EDA: variants seen among roughly 807,000 people sequenced by gnomAD.
The protein encoded by EDA is ectodysplasin-A.
A neutral mutation model predicts 23.6 loss-of-function variants in EDA; 2 were observed. The ratio of observed to expected loss-of-function variants is 0.08; its 90% CI spans 0.03 to 0.27. The LOEUF (loss-of-function observed/expected upper bound fraction) is 0.27, where lower values mean the gene tolerates loss of function less well. Ranked by LOEUF, EDA falls within the 10% of genes least tolerant of loss-of-function variation. The pLI, the probability that EDA is intolerant of heterozygous loss-of-function variation, is 1.00. For missense variants in EDA, 229 were observed against 324.2 expected (o/e 0.71, Z 2.26); for synonymous variants, 131 against 132.0 (o/e 0.99, Z 0.05).
chrX:69,864,125 A>G (rs1346578202), intron 1 of EDA, among the ~76,000 whole-genome samples: 1 of 111,431 alleles, frequency 9.0e-6, no homozygotes, highest in Non-Finnish European at 1.9e-5. Context: ...TACATACAGC[A>G]AATGTTGCCT....
chrX:70,016,889 G>GA (rs1358419373), intron 2 of EDA, among the ~76,000 whole-genome samples: 2 of 111,132 alleles, frequency 1.8e-5, no homozygotes, highest in African/African-American at 6.6e-5. Context: ...TTTGAGATGT[G>GA]AAAAAACATA....
At chrX:69,947,181 G>A (rs1236876354) in intron 1 of EDA, among the ~76,000 whole-genome samples, 1 of 112,675 alleles carries the variant, frequency 8.9e-6, no homozygotes, top group Non-Finnish European at 1.9e-5. Flanking sequence ...AGGGAAGGCA[G>A]TGTCATCCAG....
chrX:69,946,897 C>G (rs1200096037), intron 1 of EDA, among the ~76,000 whole-genome samples: 1 of 112,167 alleles, frequency 8.9e-6, no homozygotes, highest in Non-Finnish European at 1.9e-5. Flanking sequence ...CATAACGCTA[C>G]TCTAACTTGT....
At chrX:69,660,435 G>A (rs1933449451) in intron 1 of EDA, among the ~76,000 whole-genome samples, 1 of 110,255 alleles carries the variant, frequency 9.1e-6, no homozygotes, top group South Asian at 3.9e-4. Context: ...TTGGTGTGCT[G>A]CACCCATTAA....
At chrX:69,893,594 A>G (rs1457563244) in intron 1 of EDA, among the ~76,000 whole-genome samples, 1 of 112,531 alleles carries the variant, frequency 8.9e-6, no homozygotes, top group African/African-American at 3.2e-5. Flanking sequence ...TTCATGTTCC[A>G]CATAAAATAT....
chrX:69,922,756 G>A (rs2018454450), intron 1 of EDA, among the ~76,000 whole-genome samples: 3 of 111,699 alleles, frequency 2.7e-5, no homozygotes, highest in South Asian at 7.5e-4. Flanking sequence ...TAGCTACAAC[G>A]TAGGCAAAGG....
At chrX:69,959,326 G>A (rs930107374) in intron 2 of EDA, among the ~76,000 whole-genome samples, 6 of 111,439 alleles carry the variant, frequency 5.4e-5, no homozygotes, top group East Asian at 2.8e-4. Flanking sequence ...CTTAGAGTTA[G>A]GAGTATAGAA....
At chrX:69,679,703 TTCTC>T (rs1291223477) in intron 1 of EDA, among the ~76,000 whole-genome samples, 5 of 111,853 alleles carry the variant, frequency 4.5e-5, no homozygotes, top group African/African-American at 9.8e-5. Flanking sequence ...TATTTGATTC[TTCTC>T]TCTTTTTTTC....
intron 1 of EDA, among the ~76,000 whole-genome samples, chrX:69,943,851 C>G (rs1478446397): frequency 1.8e-5 from 2 of 109,871 alleles, no homozygotes; most frequent in African/African-American, 6.6e-5. Flanking sequence ...ACTTGGTGAT[C>G]TATTCTACTG....
intron 2 of EDA, among the ~76,000 whole-genome samples, chrX:69,978,318 TAAAAAAAAAAAAAA>T (rs144187734): frequency 1.6e-3 from 33 of 20,431 alleles, no homozygotes; most frequent in Non-Finnish European, 4.2e-3. Context: ...ACTCCATCTC[TAAAAAAAAAAAAAA>T]AAAAAAAAAA....
At chrX:69,804,699 A>T (rs2015773691) in intron 1 of EDA, among the ~76,000 whole-genome samples, 1 of 111,020 alleles carries the variant, frequency 9.0e-6, no homozygotes, top group Admixed American at 9.7e-5. Context: ...GGCTAGTGGG[A>T]ATGATCTTCA....
intron 1 of EDA, among the ~76,000 whole-genome samples, chrX:69,929,706 T>TGTGTGTGTGTGTGTGTG (rs373930590): frequency 3.6e-5 from 3 of 84,342 alleles, no homozygotes; most frequent in East Asian, 3.9e-4. Flanking sequence ...CATTCTATTT[T>TGTGTGTGTGTGTGTGTG]TGTGTGTGTG....
intron 1 of EDA, among the ~76,000 whole-genome samples, chrX:69,731,398 A>G (rs2013019172): frequency 9.0e-6 from 1 of 111,011 alleles, no homozygotes; most frequent in Non-Finnish European, 1.9e-5. Flanking sequence ...AATTTTATTA[A>G]GCTGAATGAG....
intron 1 of EDA, among the ~76,000 whole-genome samples, chrX:69,726,672 G>C (rs892640834): frequency 8.9e-6 from 1 of 112,419 alleles, no homozygotes; most frequent in Non-Finnish European, 1.9e-5. Flanking sequence ...AGTTCTAGAG[G>C]CTGGAAAGTC....
rs749688614 is a variant in EDA, at chrX:69,874,398, G to A, written c.397-82629G>A. Among the ~76,000 whole-genome samples, 6 of 111,832 alleles carry A rather than the reference G, an allele frequency of 5.4e-5. No homozygotes were observed. The East Asian group carries it at 1.1e-3, about 21-fold the overall frequency. On this transcript the variant is annotated intron_variant, in intron 1 of 7. Transcript: ENST00000374552. ...ACAGAATTAAAAACAAAAATCACAC[G>A]ATCATCTCAATAGATGCAGAAAAAG... is the stretch of plus-strand genomic sequence containing the variant.
chrX:69,817,929 C>T (rs2016119032), intron 1 of EDA, among the ~76,000 whole-genome samples: 1 of 112,033 alleles, frequency 8.9e-6, no homozygotes, highest in Admixed American at 9.5e-5. Flanking sequence ...ACATTCTTCT[C>T]ATTGCCACAT....
chrX:69,761,885 A>G (rs887347292), intron 1 of EDA, among the ~76,000 whole-genome samples: 1 of 111,805 alleles, frequency 8.9e-6, no homozygotes, highest in African/African-American at 3.2e-5. Context: ...ACTTTTAGAC[A>G]CAATCTTAAG....
chrX:70,031,785 C>T (rs768624794), intron 6 of EDA, among the ~76,000 whole-genome samples: 20 of 112,710 alleles, frequency 1.8e-4, no homozygotes, highest in Admixed American at 7.4e-4. Context: ...CCATGATCCC[C>T]ACCTGTCCAG....
chrX:69,870,217 G>A (rs1488913787), intron 1 of EDA, among the ~76,000 whole-genome samples: 1 of 111,498 alleles, frequency 9.0e-6, no homozygotes, highest in East Asian at 2.8e-4. Context: ...TCCCTACTTA[G>A]TGGGCCCAAA....
Sources: gnomAD v4.1 joint callset for allele counts (sites outside exome capture counted in the v4.1 genomes callset) on GRCh38, gnomAD v4.1.1 for gene constraint, MANE v1.5 for transcripts, NCBI Gene and HGNC (gene_info 2026-07-23, HGNC 2026-07-21) for gene names.